Variants in CTNNA2 observed in about 807,000 individuals in gnomAD.
The protein encoded by CTNNA2 is catenin alpha 2.
A neutral mutation model predicts 101.0 loss-of-function variants in CTNNA2; 42 were observed. That is an observed-to-expected ratio of 0.42 (90% CI 0.32 to 0.54). CTNNA2 has a LOEUF of 0.54. Ranked by LOEUF, CTNNA2 falls within the 20% of genes least tolerant of loss-of-function variation. The pLI is 0.14. For synonymous variants in CTNNA2, 450 were observed against 456.4 expected, an observed-to-expected ratio of 0.99 and a Z score of 0.18; for missense variants, 871 against 1,223.1, an observed-to-expected ratio of 0.71 and a Z score of 4.29.
chr2:79,772,136 T>C (rs1673634793), intron 3 of CTNNA2, among the ~76,000 whole-genome samples: 1 of 152,094 alleles, frequency 6.6e-6, no homozygotes, highest in South Asian at 2.1e-4. Context: ...CCATCCTCTC[T>C]CCTTCCCTTT....
chr2:80,027,262 G>A (rs1179936931), intron 7 of CTNNA2, among the ~76,000 whole-genome samples: 2 of 152,168 alleles, frequency 1.3e-5, no homozygotes, highest in Non-Finnish European at 2.9e-5. Flanking sequence ...AGAGGGTACA[G>A]CCAGCACAAA....
At chr2:79,264,434 A>T (rs1191166920) in intron 2 of CTNNA2, among the ~76,000 whole-genome samples, 1 of 152,146 alleles carries the variant, frequency 6.6e-6, no homozygotes, top group African/African-American at 2.4e-5. Flanking sequence ...ATAAAAAGTT[A>T]ATTTTAATAA....
Position 79,891,574 on chromosome 2 carries a change from C to T in CTNNA2, c.852+17232C>T, listed in dbSNP as rs543265314. 3.5e-4 allele frequency among the ~76,000 whole-genome samples: 53 copies of T among 152,230 alleles called. 1 individual carries two copies. The highest frequency in any genetic ancestry group is 2.6e-3 in the Admixed American group (40 of 15,302). On this transcript the variant is annotated intron_variant, in intron 6 of 18. Coordinates refer to ENST00000402739, the MANE Select transcript of CTNNA2 (RefSeq NM_001282597.3). ...AGGTCTCTTAGGGAGGAGAAGATAA[C>T]GCGGTTATCTGCCACCAACCCCCAG...
chr2:80,092,281 G>C (rs1344535514), intron 7 of CTNNA2, among the ~76,000 whole-genome samples: 1 of 152,114 alleles, frequency 6.6e-6, no homozygotes, highest in Non-Finnish European at 1.5e-5. Context: ...TTTGTCACAA[G>C]AATAAACTTG....
At chr2:80,380,185 T>C (rs938453296) in intron 7 of CTNNA2, among the ~76,000 whole-genome samples, 37 of 151,952 alleles carry the variant, frequency 2.4e-4, no homozygotes, top group African/African-American at 7.2e-4. Flanking sequence ...TACAGGTGCC[T>C]GCCACCATGC....
chr2:79,651,521 T>C, intron 1 of CTNNA2, 31 bp from the exon 2 acceptor site: 1 of 1,573,258 alleles, frequency 6.4e-7, no homozygotes. Context: ...CAAAGATGAT[T>C]ATTTCTAACT....
intron 8 of CTNNA2, among the ~76,000 whole-genome samples, chr2:80,394,087 C>A (rs866702799): frequency 6.6e-6 from 1 of 152,228 alleles, no homozygotes; most frequent in Admixed American, 6.5e-5. Flanking sequence ...CTATGTCCAT[C>A]TCATTCACTA....
rs555540634 is a variant in CTNNA2 at position 80,526,263 on chromosome 2, G to A, written c.1291-18719G>A. Among the ~76,000 whole-genome samples, 378 of 152,080 alleles carry A rather than the reference G, an allele frequency of 2.5e-3. 2 individuals are homozygous for A. The highest frequency in any genetic ancestry group is 0.011 in the Admixed American group (174 of 15,266). ...CACCTAGGCTGGAGTGCAGTGGTGC[G>A]ATCTCAGCTCACTGAAACCTCCGCC... is the stretch of plus-strand genomic sequence containing the variant. On this transcript the variant is annotated intron_variant, in intron 9 of 18. Coordinates refer to ENST00000402739, the MANE Select transcript of CTNNA2 (RefSeq NM_001282597.3).
intron 9 of CTNNA2, among the ~76,000 whole-genome samples, chr2:80,534,222 A>C (rs1002922499): frequency 6.6e-6 from 1 of 152,142 alleles, no homozygotes; most frequent in African/African-American, 2.4e-5. Flanking sequence ...GTTTTTATAG[A>C]TGTATAACTG....
chr2:79,328,825 G>A (rs559889616), intron 3 of CTNNA2, among the ~76,000 whole-genome samples: 16 of 152,264 alleles, frequency 1.1e-4, no homozygotes, highest in East Asian at 3.9e-4. Flanking sequence ...ACTGGAAGTC[G>A]GAAATCAACG....
At chr2:79,830,173 C>A (rs1280220394) in intron 3 of CTNNA2, among the ~76,000 whole-genome samples, 1 of 140,866 alleles carries the variant, frequency 7.1e-6, no homozygotes, top group East Asian at 2.0e-4. Flanking sequence ...TACAAGAGTA[C>A]ATAAGGGAGA....
At chr2:80,395,565 T>C (rs927796361) in intron 8 of CTNNA2, among the ~76,000 whole-genome samples, 3 of 152,206 alleles carry the variant, frequency 2.0e-5, no homozygotes, top group African/African-American at 7.2e-5. Context: ...CTTGGGCAGA[T>C]GGAACATGCA....
At chr2:80,268,054 G>A (rs1673153886) in intron 7 of CTNNA2, among the ~76,000 whole-genome samples, 1 of 152,230 alleles carries the variant, frequency 6.6e-6, no homozygotes, top group Non-Finnish European at 1.5e-5. Context: ...CAGGGGCTAT[G>A]CAGGGGCTGT....
intron 2 of CTNNA2, among the ~76,000 whole-genome samples, chr2:79,701,697 ATTAG>A (rs1194849894): frequency 1.3e-5 from 2 of 152,150 alleles, no homozygotes; most frequent in Non-Finnish European, 2.9e-5. Context: ...ATGAACTGAA[ATTAG>A]TTTGTTAAAG....
At chr2:79,798,670 C>A (rs1023891780) in intron 3 of CTNNA2, among the ~76,000 whole-genome samples, 4 of 149,134 alleles carry the variant, frequency 2.7e-5, no homozygotes, top group Admixed American at 6.7e-5. Flanking sequence ...TCGAAGATGA[C>A]TCAAAAGAAA....
intron 3 of CTNNA2, among the ~76,000 whole-genome samples, chr2:79,346,938 C>T (rs1677277098): frequency 6.6e-6 from 1 of 152,060 alleles, no homozygotes; most frequent in South Asian, 2.1e-4. Flanking sequence ...CTGGGGGACT[C>T]CAAAATGTGG....
intron 3 of CTNNA2, among the ~76,000 whole-genome samples, chr2:79,355,820 C>T (rs1367433122): frequency 3.9e-5 from 6 of 152,074 alleles, no homozygotes; most frequent in Admixed American, 3.9e-4. Flanking sequence ...TATGAGCATA[C>T]CACATTTATT....
At chr2:79,956,849 T>TG (rs1553413406) in intron 7 of CTNNA2, among the ~76,000 whole-genome samples, 3 of 65,186 alleles carry the variant, frequency 4.6e-5, no homozygotes, top group African/African-American at 1.5e-4. Context: ...GTGGGTTTTT[T>TG]TTTTTTTTTT....
At chr2:79,631,771 T>G (rs1229339160) in intron 1 of CTNNA2, among the ~76,000 whole-genome samples, 1 of 152,208 alleles carries the variant, frequency 6.6e-6, no homozygotes, top group East Asian at 1.9e-4. Context: ...TGCCATTTGA[T>G]TATTTTCTAA....
Sources: gnomAD v4.1 joint callset for allele counts (sites outside exome capture counted in the v4.1 genomes callset) on GRCh38, gnomAD v4.1.1 for gene constraint, MANE v1.5 for transcripts, NCBI Gene and HGNC (gene_info 2026-07-23, HGNC 2026-07-21) for gene names.